Variants in CTTNBP2 observed in about 807,000 individuals in gnomAD.
The protein encoded by CTTNBP2 is cortactin binding protein 2.
In CTTNBP2, 108 loss-of-function variants were observed where a neutral mutation model predicts 156.9. That is an observed-to-expected ratio of 0.69 (90% CI 0.59 to 0.81). The LOEUF (loss-of-function observed/expected upper bound fraction) is 0.81. Ranked by LOEUF, CTTNBP2 falls within the 30% of genes least tolerant of loss-of-function variation. The pLI, the probability that CTTNBP2 is intolerant of heterozygous loss-of-function variation, is 0.00. For synonymous variants in CTTNBP2, 767 were observed against 751.8 expected (o/e 1.02, Z -0.33); for missense variants, 1,924 against 2,035.4 (o/e 0.95, Z 1.05).
chr7:117,729,863 T>G (rs1795309115), intron 16 of CTTNBP2, among the ~76,000 whole-genome samples: 1 of 152,082 alleles, frequency 6.6e-6, no homozygotes, highest in Non-Finnish European at 1.5e-5. Context: ...GGACTTCAGC[T>G]GGGTCTCTCA....
At chr7:117,760,087 C>G (rs535697906) in intron 10 of CTTNBP2, among the ~76,000 whole-genome samples, 2 of 152,284 alleles carry the variant, frequency 1.3e-5, no homozygotes, top group Non-Finnish European at 1.5e-5. Flanking sequence ...TGGCCCAACC[C>G]AAGAACAAAT....
Position 117,780,407 on chromosome 7 carries a change from A to G in CTTNBP2, c.2523+34T>C, listed in dbSNP as rs926795201. The stretch of plus-strand genomic sequence containing the variant: ...AGTTTACAAATATATTGCAAATTAT[A>G]TATACAGGGGGAAAAAAACAGACTG... On this transcript the variant is annotated intron_variant, in intron 7 of 22. Transcript: ENST00000160373. 1.1e-5 allele frequency: 15 copies of G among 1,389,908 alleles called. 1 individual carries two copies. In the Admixed American group the frequency reaches 1.7e-4, roughly 15 times the overall value. The allele number at this position is 1,389,908 out of a possible 1,614,324, so 86.1% of individuals were successfully genotyped here.
intron 16 of CTTNBP2, among the ~76,000 whole-genome samples, chr7:117,732,661 A>C (rs1330142702): frequency 6.6e-6 from 1 of 151,472 alleles, no homozygotes; most frequent in Non-Finnish European, 1.5e-5. Context: ...AAAAAAAAAA[A>C]AAAAAAAAAA....
At chr7:117,743,190 C>A (rs1562966716) in intron 14 of CTTNBP2, among the ~76,000 whole-genome samples, 1 of 152,222 alleles carries the variant, frequency 6.6e-6, no homozygotes, top group Non-Finnish European at 1.5e-5. Flanking sequence ...TCATTGCACT[C>A]CAGTTTTCTT....
At chr7:117,849,195 T>C (rs1293191087) in intron 2 of CTTNBP2, among the ~76,000 whole-genome samples, 3 of 152,212 alleles carry the variant, frequency 2.0e-5, no homozygotes, top group African/African-American at 7.2e-5. Context: ...CTAATCAGCA[T>C]CAGCGATTTC....
At chr7:117,725,944 C>T (rs1795073808) in intron 17 of CTTNBP2, among the ~76,000 whole-genome samples, 1 of 152,142 alleles carries the variant, frequency 6.6e-6, no homozygotes, top group Non-Finnish European at 1.5e-5. Context: ...CTGCCTTGTC[C>T]TCCCAAAGTG....
chr7:117,765,250 T>C (rs1430628605), intron 9 of CTTNBP2, among the ~76,000 whole-genome samples: 1 of 152,212 alleles, frequency 6.6e-6, no homozygotes, highest in Non-Finnish European at 1.5e-5. Flanking sequence ...TTACTTTCTA[T>C]AGTTCATTTG....
intron 2 of CTTNBP2, among the ~76,000 whole-genome samples, chr7:117,832,583 G>A (rs547937604): frequency 1.3e-5 from 2 of 151,488 alleles, no homozygotes; most frequent in Non-Finnish European, 2.9e-5. Flanking sequence ...TCCCTGTGAA[G>A]CTTTGTATTA....
chr7:117,871,844 T>TCTCACACACACACACACACACACACA, intron 1 of CTTNBP2: 2 of 298,276 alleles, frequency 6.7e-6, no homozygotes, highest in African/African-American at 3.3e-5. Flanking sequence ...TCCTTCCCCT[T>TCTCACACACACACACACACACACACA]CACACACACA....
intron 14 of CTTNBP2, among the ~76,000 whole-genome samples, chr7:117,739,146 G>GTCAA (rs1388441367): frequency 1.3e-5 from 2 of 152,144 alleles, no homozygotes; most frequent in East Asian, 1.9e-4. Flanking sequence ...CACATCCTTA[G>GTCAA]TCAAGGTGGG....
chr7:117,781,648 G>T (rs988512062), intron 6 of CTTNBP2, among the ~76,000 whole-genome samples: 14 of 152,196 alleles, frequency 9.2e-5, no homozygotes, highest in African/African-American at 3.1e-4. Flanking sequence ...CGAGGCAGGG[G>T]TATCGCTTAG....
intron 1 of CTTNBP2, among the ~76,000 whole-genome samples, chr7:117,866,488 A>C (rs1804208679): frequency 6.6e-6 from 1 of 152,126 alleles, no homozygotes; most frequent in Non-Finnish European, 1.5e-5. Context: ...CTTCCCACCA[A>C]CACCAAGAGC....
At position 117,810,832 on chromosome 7, in the gene CTTNBP2, G is replaced by T; in HGVS notation, c.347C>A (p.Ala116Asp). Residue 116 changes from alanine (A) to aspartate (D), a missense_variant, in exon 3 of 23, where the codon GCC becomes GAC. Physicochemically the swap from Ala to Asp is moderately radical, Grantham distance 126. Coordinates refer to ENST00000160373, the MANE Select transcript of CTTNBP2 (RefSeq NM_033427.3). ...NPLSILEAVM[A>D]HCKKMQERMS... ...CCTTTCTTGCATTTTCTTGCAGTGG[G>T]CCATGACTGCTTCAAGGATGGAGAG... The T allele has an allele frequency of 6.2e-7, 1 of 1,614,002 alleles. No individual in the cohort carries two copies. The highest frequency in any genetic ancestry group is 1.1e-5 in the South Asian group (1 of 91,066).
chr7:117,777,422 T>C (rs916931), intron 8 of CTTNBP2, 89 bp downstream of exon 8: 87,801 of 1,318,766 alleles, frequency 0.067, 4,048 homozygotes, highest in African/African-American at 0.21. Context: ...CTCCAATTAT[T>C]CAATTTAAGT....
intron 10 of CTTNBP2, 184 bp from the exon 11 acceptor site, chr7:117,758,154 G>T: frequency 1.8e-6 from 1 of 557,552 alleles, no homozygotes; most frequent in South Asian, 2.5e-5. Context: ...TCTTGTTGAA[G>T]GTTGAAAGGA....
rs34399167 is a variant in CTTNBP2 at position 117,722,257 on chromosome 7, GTT to G, written c.4448-1129_4448-1128del. Reference sequence around the variant, plus strand: ...TGCATGCAAAAGGATTCCTGTGTTGGTTTTTTTTTTTTTTTTAACCAAAGTCA... The same window carrying G: ...TGCATGCAAAAGGATTCCTGTGTTGGTTTTTTTTTTTTTTAACCAAAGTCA... On this transcript the variant is annotated intron_variant, in intron 19 of 22. Transcript: ENST00000160373. 3.4e-3 allele frequency among the ~76,000 whole-genome samples: 476 copies of G among 140,608 alleles called. 5 individuals carry two copies. Among genetic ancestry groups the G allele is most frequent in the African/African-American group, 8.2e-3 (325 of 39,404 alleles). 92.2% of individuals were successfully genotyped at this position (140,608 alleles called of 152,430 possible).
chr7:117,818,449 T>C (rs1800755714), intron 2 of CTTNBP2, among the ~76,000 whole-genome samples: 1 of 152,176 alleles, frequency 6.6e-6, no homozygotes, highest in Admixed American at 6.5e-5. Flanking sequence ...TCTGACAAGA[T>C]GGACTTTTTC....
At chr7:117,770,101 C>A (rs1427349110) in intron 8 of CTTNBP2, among the ~76,000 whole-genome samples, 3 of 152,174 alleles carry the variant, frequency 2.0e-5, no homozygotes, top group South Asian at 2.1e-4. Flanking sequence ...AGCTAGAAAA[C>A]AGTCCAAATA....
intron 14 of CTTNBP2, among the ~76,000 whole-genome samples, chr7:117,745,535 A>G (rs575124170): frequency 6.6e-4 from 101 of 152,366 alleles, no homozygotes; most frequent in African/African-American, 2.3e-3. Context: ...TACCTAGTCC[A>G]GCTAGGGTGA....
Sources: gnomAD v4.1 joint callset for allele counts (sites outside exome capture counted in the v4.1 genomes callset) on GRCh38, gnomAD v4.1.1 for gene constraint, MANE v1.5 for transcripts, NCBI Gene and HGNC (gene_info 2026-07-23, HGNC 2026-07-21) for gene names.